The following MAD1L1 variants were observed in gnomAD, a reference collection of about 807,000 sequenced individuals.
MAD1L1 encodes the protein mitotic arrest deficient 1 like 1, also known as mitotic spindle assembly checkpoint protein MAD1.
Under a neutral mutation model 96.9 loss-of-function variants are expected in MAD1L1, and 95 were observed. The observed-to-expected ratio is 0.98, with a 90% confidence interval of 0.83 to 1.16. The LOEUF (loss-of-function observed/expected upper bound fraction) is 1.16, where lower values mean the gene tolerates loss of function less well. Among genes scored for constraint, MAD1L1 ranks in the 50% most tolerant of loss-of-function variants. MAD1L1 has a pLI of 0.00. For synonymous variants in MAD1L1, 473 were observed against 396.6 expected (o/e 1.19, Z -2.29); for missense variants, 1,007 against 954.4 (o/e 1.06, Z -0.73).
At chr7:2,155,335 C>T (rs1039467934) in intron 10 of MAD1L1, among the ~76,000 whole-genome samples, 9 of 152,158 alleles carry the variant, frequency 5.9e-5, no homozygotes, top group African/African-American at 2.2e-4. Flanking sequence ...TAAAATATAC[C>T]ATCTTAACCA....
At position 2,169,125 on chromosome 7, in the gene MAD1L1, G is replaced by A. The variant is rs568409980; in HGVS notation, c.987-19887C>T. Among the ~76,000 whole-genome samples, 413 of 152,338 alleles carry A rather than the reference G, an allele frequency of 2.7e-3. 2 individuals carry two copies. Among genetic ancestry groups the A allele is most frequent in the Non-Finnish European group, 1.8e-3 (125 of 68,026 alleles). On this transcript the variant is annotated intron_variant, in intron 10 of 18. Transcript: ENST00000265854. ...GCAAACGATCCGTGACAGGACAAGC[G>A]TGGGATGGCCTCCTGTGTGGCAGAA...
At chr7:2,132,485 G>A (rs1328519487) in intron 11 of MAD1L1, among the ~76,000 whole-genome samples, 5 of 151,732 alleles carry the variant, frequency 3.3e-5, no homozygotes, top group African/African-American at 9.7e-5. Flanking sequence ...GTGCGACTGC[G>A]TGTCCACCAT....
intron 10 of MAD1L1, among the ~76,000 whole-genome samples, chr7:2,166,070 G>A (rs1790414967): frequency 6.6e-6 from 1 of 152,196 alleles, no homozygotes; most frequent in Non-Finnish European, 1.5e-5. Context: ...CTCCCATGTG[G>A]AAACTTCTGA....
intron 16 of MAD1L1, among the ~76,000 whole-genome samples, chr7:1,945,071 A>T (rs1358383094): frequency 6.6e-6 from 1 of 151,772 alleles, no homozygotes; most frequent in Non-Finnish European, 1.5e-5. Flanking sequence ...CTCCCGCTAG[A>T]TGGGGGCTGC....
chr7:1,923,559 G>A (rs1256679760), intron 17 of MAD1L1, among the ~76,000 whole-genome samples: 2 of 148,032 alleles, frequency 1.4e-5, no homozygotes, highest in African/African-American at 2.4e-5. Flanking sequence ...CTGGACAGAC[G>A]CCTAGAGCCC....
chr7:1,828,587 C>A (rs1242725303), intron 18 of MAD1L1, among the ~76,000 whole-genome samples: 4 of 152,238 alleles, frequency 2.6e-5, no homozygotes, highest in Non-Finnish European at 5.9e-5. Context: ...GAGCCCCAGA[C>A]AGACGCTGCC....
In MAD1L1 at chr7:2,088,188, A is replaced by G. The variant is rs1304030606; in HGVS notation, c.1074-18850T>C. Among the ~76,000 whole-genome samples, 1 of 152,212 alleles carries G rather than the reference A, an allele frequency of 6.6e-6. No homozygotes were observed. The highest frequency in any genetic ancestry group is 1.9e-4 in the East Asian group (1 of 5,194). On this transcript the variant is annotated intron_variant, in intron 11 of 18. Transcript: ENST00000265854. The surrounding 1 kb of genome is among the most constrained non-coding windows in gnomAD (Gnocchi z 4.4). Reference sequence around the variant, plus strand: ...CACAGAACAGTGGACGAGGTCGGGCAGCAAAGCGACCTTGGATCACACATC... The same window carrying G: ...CACAGAACAGTGGACGAGGTCGGGCGGCAAAGCGACCTTGGATCACACATC...
At chr7:1,865,229 C>T (rs578171808) in intron 18 of MAD1L1, among the ~76,000 whole-genome samples, 1 of 152,284 alleles carries the variant, frequency 6.6e-6, no homozygotes, top group African/African-American at 2.4e-5. Context: ...CCAAGGCTTC[C>T]CACCAAGACC....
At chr7:2,065,609 C>T (rs555081038) in intron 12 of MAD1L1, among the ~76,000 whole-genome samples, 4 of 152,284 alleles carry the variant, frequency 2.6e-5, no homozygotes, top group East Asian at 3.9e-4. Flanking sequence ...GCCCAGAGCT[C>T]GAAACTCAGA....
At chr7:2,131,107 T>C (rs1467594238) in intron 11 of MAD1L1, among the ~76,000 whole-genome samples, 1 of 152,206 alleles carries the variant, frequency 6.6e-6, no homozygotes, top group Non-Finnish European at 1.5e-5. Flanking sequence ...TTGGAGTATT[T>C]TGGGTTGACA....
At position 2,112,520 on chromosome 7, in the gene MAD1L1, G is replaced by A. The variant is rs147468738; in HGVS notation, c.1073+36632C>T. On this transcript the variant is annotated intron_variant, in intron 11 of 18. Transcript: ENST00000265854. ...CCTCGCAAGTCAACCTCTCCTCACA[G>A]AGCCATGGATTAGCAATTCCAGAAA... 3.3e-3 allele frequency among the ~76,000 whole-genome samples: 496 copies of A among 152,338 alleles called. 2 individuals carry two copies. Among genetic ancestry groups the A allele is most frequent in the Non-Finnish European group, 5.1e-3 (347 of 68,028 alleles).
intron 10 of MAD1L1, among the ~76,000 whole-genome samples, chr7:2,179,211 C>T (rs1163643626): frequency 1.3e-5 from 2 of 152,136 alleles, no homozygotes; most frequent in East Asian, 1.9e-4. Context: ...CCAGCCCCCA[C>T]ACCACAACTC....
intron 17 of MAD1L1, among the ~76,000 whole-genome samples, chr7:1,903,213 T>G (rs1316040879): frequency 1.3e-5 from 2 of 149,270 alleles, no homozygotes; most frequent in Non-Finnish European, 3.0e-5. Flanking sequence ...GCGGAACTCA[T>G]GATTGATGAA....
chr7:2,009,789 C>G (rs1180018603), intron 13 of MAD1L1, among the ~76,000 whole-genome samples: 1 of 152,202 alleles, frequency 6.6e-6, no homozygotes, highest in Non-Finnish European at 1.5e-5. Context: ...GAGGACAGAG[C>G]CTGCCCTGGG....
intron 18 of MAD1L1, among the ~76,000 whole-genome samples, chr7:1,852,131 G>A (rs539591359): frequency 5.9e-5 from 9 of 152,348 alleles, no homozygotes; most frequent in East Asian, 5.8e-4. Flanking sequence ...GGGGCAGAGC[G>A]GGTCGGGGAG....
chr7:1,929,675 A>G (rs1789316594), intron 17 of MAD1L1, among the ~76,000 whole-genome samples: 1 of 149,224 alleles, frequency 6.7e-6, no homozygotes, highest in Non-Finnish European at 1.5e-5. Context: ...GGCAAACACG[A>G]AAGGGAGCTC....
intron 10 of MAD1L1, among the ~76,000 whole-genome samples, chr7:2,203,730 C>A (rs537950135): frequency 6.6e-6 from 1 of 152,256 alleles, no homozygotes; most frequent in Non-Finnish European, 1.5e-5. Context: ...GGAAGGAGCC[C>A]CAATTTTAAA....
intron 17 of MAD1L1, among the ~76,000 whole-genome samples, chr7:1,915,729 G>A (rs1325831856): frequency 6.6e-6 from 1 of 152,194 alleles, no homozygotes; most frequent in Non-Finnish European, 1.5e-5. Context: ...AGTCTTTTCC[G>A]CCAGCGGGGC....
chr7:1,952,984 C>T (rs775298929), intron 16 of MAD1L1, among the ~76,000 whole-genome samples: 10 of 152,176 alleles, frequency 6.6e-5, no homozygotes, highest in South Asian at 4.1e-4. Context: ...TGGGCATGGA[C>T]GCCAGCACAA....
Sources: gnomAD v4.1 joint callset for allele counts (sites outside exome capture counted in the v4.1 genomes callset) on GRCh38, gnomAD v4.1.1 for gene constraint, Gnocchi (gnomAD v3.1) non-coding constraint, MANE v1.5 for transcripts, NCBI Gene and HGNC (gene_info 2026-07-23, HGNC 2026-07-21) for gene names.